FRYL: variants seen among roughly 807,000 people sequenced by gnomAD.
The protein encoded by FRYL is FRY like transcription coactivator.
Under a neutral mutation model 351.2 loss-of-function variants are expected in FRYL, and 150 were observed. The ratio of observed to expected loss-of-function variants is 0.43; its 90% CI spans 0.37 to 0.49. The LOEUF is 0.49. FRYL is among the 20% of genes least tolerant of loss of function. FRYL has a pLI of 0.00. For missense variants in FRYL, 3,036 were observed against 3,619.3 expected (o/e 0.84, Z 4.13); for synonymous variants, 1,153 against 1,257.1 (o/e 0.92, Z 1.75).
At chr4:48,682,097 C>G (rs1764690562) in intron 3 of FRYL, among the ~76,000 whole-genome samples, 1 of 152,158 alleles carries the variant, frequency 6.6e-6, no homozygotes, top group African/African-American at 2.4e-5. Flanking sequence ...GCAATCATAT[C>G]TATAACTCTG....
rs1450083036 is a variant in FRYL, at chr4:48,527,527, C to G, written c.7267G>C (p.Gly2423Arg). Reference sequence around the variant, plus strand: ...AAAAAGTCAAAATCCTTAAAAACACCAAACTGTTGTTCACTGCTATTATCT... The same window carrying G: ...AAAAAGTCAAAATCCTTAAAAACACGAAACTGTTGTTCACTGCTATTATCT... ...VEDNSSEQQF[G>R]VFKDFDFLDV... The change falls in exon 53 of 64, where the codon GGT becomes CGT. Residue 2423 changes from glycine to arginine, a missense_variant. Transcript: ENST00000358350. 6.2e-7 allele frequency: 1 copy of G among 1,613,038 alleles called. No homozygotes were observed. The highest frequency in any genetic ancestry group is 2.2e-5 in the East Asian group (1 of 44,844).
At chr4:48,689,231 A>G (rs74444550) in intron 2 of FRYL, among the ~76,000 whole-genome samples, 193 of 152,362 alleles carry the variant, frequency 1.3e-3, no homozygotes, top group African/African-American at 4.3e-3. Context: ...GAAAACAAGC[A>G]GCAAATTTTC....
chr4:48,542,708 G>C lies in FRYL; in HGVS notation c.5593-587C>G, dbSNP rs559699722. On this transcript the variant is annotated intron_variant, in intron 44 of 63. Transcript: ENST00000358350. ...TGGGATTATAGGTGTGAGCCACAGT[G>C]CCTGGCTGAAAATATCACTTTTAAA... Among the ~76,000 whole-genome samples the C allele has an allele frequency of 2.4e-4, 36 of 152,284 alleles. No homozygotes were observed. In the East Asian group the frequency reaches 6.9e-3, roughly 29 times the overall value.
chr4:48,697,630 C>T (rs1766320551), intron 2 of FRYL, among the ~76,000 whole-genome samples: 1 of 152,118 alleles, frequency 6.6e-6, no homozygotes. Context: ...CAGGTGCACG[C>T]CACCACACCC....
chr4:48,516,582 C>T (rs976010471), intron 55 of FRYL, among the ~76,000 whole-genome samples: 1 of 152,024 alleles, frequency 6.6e-6, no homozygotes, highest in Non-Finnish European at 1.5e-5. Context: ...ATTTTCCTTC[C>T]AAAATAAGAA....
At chr4:48,664,435 T>G (rs1189973948) in intron 3 of FRYL, among the ~76,000 whole-genome samples, 1 of 152,248 alleles carries the variant, frequency 6.6e-6, no homozygotes, top group East Asian at 1.9e-4. Flanking sequence ...TTTCCAATTT[T>G]TCCTGCTAGA....
At chr4:48,651,328 TG>T (rs1560789218) in intron 3 of FRYL, among the ~76,000 whole-genome samples, 2 of 147,176 alleles carry the variant, frequency 1.4e-5, no homozygotes, top group Non-Finnish European at 3.0e-5. Flanking sequence ...TGTGTGTGTG[TG>T]TGTGTGTGTG....
At chr4:48,738,199 GA>G (rs1204794584) in intron 1 of FRYL, among the ~76,000 whole-genome samples, 3 of 152,104 alleles carry the variant, frequency 2.0e-5, no homozygotes, top group Non-Finnish European at 4.4e-5. Flanking sequence ...CATTTATGTA[GA>G]AAAGCCAAAA....
At chr4:48,614,369 C>T (rs562334341) in intron 7 of FRYL, among the ~76,000 whole-genome samples, 7 of 152,208 alleles carry the variant, frequency 4.6e-5, no homozygotes, top group South Asian at 2.1e-4. Flanking sequence ...ATCTTGCCAT[C>T]GGTGTGATTT....
chr4:48,585,251 C>CA (rs1741863274), intron 19 of FRYL, among the ~76,000 whole-genome samples: 1 of 152,054 alleles, frequency 6.6e-6, no homozygotes, highest in Non-Finnish European at 1.5e-5. Flanking sequence ...ATCTAATTCA[C>CA]AAAAAAATTA....
intron 25 of FRYL, 111 bp from the exon 26 acceptor site, chr4:48,573,354 G>C: frequency 1.5e-6 from 1 of 665,100 alleles, no homozygotes; most frequent in Admixed American, 2.7e-5. Flanking sequence ...CAATCCTACT[G>C]TTTTAAACAC....
chr4:48,741,637 A>T (rs1266452212), intron 1 of FRYL, among the ~76,000 whole-genome samples: 2 of 152,176 alleles, frequency 1.3e-5, no homozygotes, highest in African/African-American at 4.8e-5. Flanking sequence ...TGGAGGTTGC[A>T]GTGAACCGAA....
intron 49 of FRYL, 133 bp from the exon 50 acceptor site, chr4:48,531,486 A>G (rs1297370380): frequency 1.5e-6 from 1 of 645,426 alleles, no homozygotes; most frequent in East Asian, 2.8e-5. Flanking sequence ...AAGATCCTTA[A>G]TGAAAGGTTT....
At chr4:48,610,691 A>T (rs1435029186) in intron 7 of FRYL, among the ~76,000 whole-genome samples, 1 of 145,898 alleles carries the variant, frequency 6.9e-6, no homozygotes, top group Non-Finnish European at 1.5e-5. Flanking sequence ...TATATTATAT[A>T]CATATATTAT....
Position 48,540,598 on chromosome 4 carries a change from T to G in FRYL, c.6050A>C (p.Tyr2017Ser). The change falls in exon 46 of 64, where the codon TAT (tyrosine) becomes TCT (serine). Residue 2017 changes from tyrosine to serine, a missense_variant. By Grantham distance (144) the Tyr-to-Ser change is moderately radical. This residue lies in a region of FRYL where 1,987 missense variants were observed against 2,311.7 expected (regional missense o/e 0.86). Transcript: ENST00000358350. ...AAGCCTGAGAGCCAGGAGGTATTCA[T>G]ATTCATAATCTGATTCTAATAAAGA... ...AASLLESDYEYEYLLALRLLN... is the reference protein window; with the variant it reads ...AASLLESDYESEYLLALRLLN... 6.2e-7 allele frequency: 1 copy of G among 1,614,006 alleles called. No individual in the cohort carries two copies. The highest frequency in any genetic ancestry group is 8.5e-7 in the Non-Finnish European group (1 of 1,179,954).
intron 4 of FRYL, among the ~76,000 whole-genome samples, chr4:48,630,619 G>C (rs1310627202): frequency 1.3e-5 from 2 of 152,112 alleles, no homozygotes; most frequent in Non-Finnish European, 2.9e-5. Flanking sequence ...CCTGCAAGTT[G>C]CCATTTCAAT....
intron 31 of FRYL, 102 bp from the exon 32 acceptor site, chr4:48,563,090 C>A: frequency 2.9e-6 from 2 of 682,818 alleles, no homozygotes; most frequent in Non-Finnish European, 5.1e-6. Flanking sequence ...AGGCATCTAT[C>A]TTCTAAGCCT....
At chr4:48,668,918 T>C (rs377191074) in intron 3 of FRYL, among the ~76,000 whole-genome samples, 2 of 152,242 alleles carry the variant, frequency 1.3e-5, no homozygotes, top group Admixed American at 6.5e-5. Flanking sequence ...ATTCCCTTTA[T>C]AGCATTTGAT....
chr4:48,752,787 C>A (rs1156746583), intron 1 of FRYL, among the ~76,000 whole-genome samples: 1 of 152,218 alleles, frequency 6.6e-6, no homozygotes, highest in African/African-American at 2.4e-5. Context: ...TAAAGTTTTT[C>A]AAAAGTATGT....
Sources: allele counts gnomAD v4.1 joint callset (sites outside exome capture counted in the v4.1 genomes callset), GRCh38; gene constraint gnomAD v4.1.1; regional missense constraint gnomAD v4.1.1; transcripts MANE v1.5; gene names NCBI Gene and HGNC (gene_info 2026-07-23, HGNC 2026-07-21).